Variants in KCNH8 observed in about 807,000 individuals in gnomAD.
The protein encoded by KCNH8 is potassium voltage-gated channel subfamily H member 8, also known as voltage-gated delayed rectifier potassium channel KCNH8.
A neutral mutation model predicts 103.6 loss-of-function variants in KCNH8; 70 were observed. The observed-to-expected ratio is 0.68, with a 90% CI of 0.56 to 0.82. KCNH8 has a LOEUF of 0.82. Ranked by LOEUF, KCNH8 falls within the 40% of genes least tolerant of loss-of-function variation. KCNH8 has a pLI of 0.00. For synonymous variants in KCNH8, 498 were observed against 489.4 expected (o/e 1.02, Z -0.23); for missense variants, 1,217 against 1,329.9 (o/e 0.92, Z 1.32).
At chr3:19,376,711 A>T (rs759784681) in intron 5 of KCNH8, among the ~76,000 whole-genome samples, 1 of 152,202 alleles carries the variant, frequency 6.6e-6, no homozygotes, top group African/African-American at 2.4e-5. Context: ...TTTTGGTGCT[A>T]TTTCTTTGGA....
chr3:19,427,033 T>A (rs1173906219), intron 7 of KCNH8, among the ~76,000 whole-genome samples: 1 of 152,114 alleles, frequency 6.6e-6, no homozygotes, highest in Admixed American at 6.6e-5. Flanking sequence ...CACCAAAGGG[T>A]ACCAATGGAC....
At chr3:19,287,820 G>A (rs540291585) in intron 3 of KCNH8, among the ~76,000 whole-genome samples, 8 of 151,094 alleles carry the variant, frequency 5.3e-5, no homozygotes, top group South Asian at 4.2e-4. Context: ...TTGTGACCTC[G>A]TGATCCACCT....
At chr3:19,292,552 A>G (rs566861691) in intron 3 of KCNH8, among the ~76,000 whole-genome samples, 2 of 152,360 alleles carry the variant, frequency 1.3e-5, no homozygotes, top group Admixed American at 1.3e-4. Context: ...AGAACCTGCA[A>G]ACCTAACTAA....
chr3:19,328,592 C>T (rs969488042), intron 3 of KCNH8, among the ~76,000 whole-genome samples: 4 of 151,750 alleles, frequency 2.6e-5, no homozygotes, highest in Non-Finnish European at 5.9e-5. Flanking sequence ...CCAGAGACAG[C>T]GTTAGTCAAT....
chr3:19,370,054 A>G (rs924584112), intron 5 of KCNH8, among the ~76,000 whole-genome samples: 2 of 152,070 alleles, frequency 1.3e-5, no homozygotes, highest in Non-Finnish European at 2.9e-5. Context: ...TTAACTTTAA[A>G]TAAATGCAGA....
intron 5 of KCNH8, among the ~76,000 whole-genome samples, chr3:19,367,487 A>ATATATATCATAATATATAT (rs2066029744): frequency 6.7e-6 from 1 of 148,338 alleles, no homozygotes; most frequent in Admixed American, 6.8e-5. Context: ...TATCAGAAAT[A>ATATATATCATAATATATAT]AACTTTGAGC....
chr3:19,523,036 G>A (rs991397600), intron 15 of KCNH8, among the ~76,000 whole-genome samples: 2 of 151,782 alleles, frequency 1.3e-5, no homozygotes, highest in East Asian at 1.9e-4. Flanking sequence ...GCTGGGAATC[G>A]GAGTGATATG....
chr3:19,246,810 G>A (rs2064212529), intron 1 of KCNH8, among the ~76,000 whole-genome samples: 1 of 152,056 alleles, frequency 6.6e-6, no homozygotes, highest in African/African-American at 2.4e-5. Context: ...ACTGGGTCTG[G>A]AGTGAAACTT....
At chr3:19,500,213 G>A (rs2068546511) in intron 11 of KCNH8, among the ~76,000 whole-genome samples, 1 of 152,264 alleles carries the variant, frequency 6.6e-6, no homozygotes, top group East Asian at 1.9e-4. Flanking sequence ...TAATGGTAAA[G>A]GGATCAATTC....
intron 5 of KCNH8, among the ~76,000 whole-genome samples, chr3:19,353,556 C>A (rs1251952278): frequency 1.3e-5 from 2 of 152,180 alleles, no homozygotes; most frequent in Non-Finnish European, 2.9e-5. Context: ...GGCTTCATCT[C>A]TGGGATGCAA....
intron 3 of KCNH8, among the ~76,000 whole-genome samples, chr3:19,326,601 G>T (rs2065428421): frequency 6.6e-6 from 1 of 151,954 alleles, no homozygotes; most frequent in East Asian, 1.9e-4. Flanking sequence ...CTTCCAGAGA[G>T]TATTTATATT....
At chr3:19,169,637 C>G (rs565504898) in intron 1 of KCNH8, among the ~76,000 whole-genome samples, 2 of 152,178 alleles carry the variant, frequency 1.3e-5, no homozygotes, top group Non-Finnish European at 2.9e-5. Flanking sequence ...TCTGAAAATC[C>G]TGTGTGTTAT....
intron 11 of KCNH8, among the ~76,000 whole-genome samples, chr3:19,476,807 ATCATCCT>A (rs1272209124): frequency 6.6e-6 from 1 of 152,124 alleles, no homozygotes; most frequent in Non-Finnish European, 1.5e-5. Context: ...TTCCCTCAAA[ATCATCCT>A]GCATTTTCCA....
intron 11 of KCNH8, among the ~76,000 whole-genome samples, chr3:19,470,118 G>GGCCA (rs1344875696): frequency 1.3e-5 from 2 of 151,894 alleles, no homozygotes; most frequent in Non-Finnish European, 2.9e-5. Flanking sequence ...ATTGCAAAAG[G>GGCCA]GCCATCCTGG....
intron 1 of KCNH8, among the ~76,000 whole-genome samples, chr3:19,221,736 T>G (rs1228108270): frequency 6.6e-6 from 1 of 152,232 alleles, no homozygotes; most frequent in Admixed American, 6.5e-5. Flanking sequence ...ATTTGGTGGT[T>G]GTTATTAGTA....
intron 7 of KCNH8, among the ~76,000 whole-genome samples, chr3:19,431,601 G>T (rs1484997858): frequency 6.6e-6 from 1 of 152,098 alleles, no homozygotes; most frequent in African/African-American, 2.4e-5. Flanking sequence ...CCAGAAATCT[G>T]TGTGGTCATG....
chr3:19,504,989 A>G (rs1036083129), intron 11 of KCNH8, among the ~76,000 whole-genome samples: 2 of 151,290 alleles, frequency 1.3e-5, no homozygotes, highest in East Asian at 3.9e-4. Context: ...ATATACACAT[A>G]TATATATCTC....
intron 1 of KCNH8, among the ~76,000 whole-genome samples, chr3:19,210,794 G>T (rs2063763732): frequency 6.6e-6 from 1 of 152,092 alleles, no homozygotes; most frequent in African/African-American, 2.4e-5. Context: ...GAAGGATGAT[G>T]GTGAGAATAC....
At chr3:19,501,187 T>C (rs1277372813) in intron 11 of KCNH8, among the ~76,000 whole-genome samples, 1 of 152,130 alleles carries the variant, frequency 6.6e-6, no homozygotes, top group African/African-American at 2.4e-5. Flanking sequence ...AAAAAATGGA[T>C]AAATTCCTCG....
Sources: allele counts gnomAD v4.1 joint callset (sites outside exome capture counted in the v4.1 genomes callset), GRCh38; gene constraint gnomAD v4.1.1; transcripts MANE v1.5; gene names NCBI Gene and HGNC (gene_info 2026-07-23, HGNC 2026-07-21).